Variants in GFAP observed in about 807,000 individuals in gnomAD.
The protein encoded by GFAP is intermediate filament protein.
GFAP carries 38 observed loss-of-function variants against 49.3 expected under a neutral mutation model. The ratio of observed to expected loss-of-function variants is 0.77; its 90% confidence interval spans 0.60 to 1.01. GFAP has a LOEUF of 1.01. Among genes scored for constraint, GFAP ranks in the 50% least tolerant of loss-of-function variants. GFAP has a pLI of 0.00. For synonymous variants in GFAP, 222 were observed against 236.4 expected, an observed-to-expected ratio of 0.94 and a Z score of 0.56; for missense variants, 463 against 579.1, an observed-to-expected ratio of 0.80 and a Z score of 2.06.
chr17:44,915,117 G>C lies in GFAP; in HGVS notation c.370C>G (p.Arg124Gly). 1 of 1,613,888 alleles carries C rather than the reference G, an allele frequency of 6.2e-7. No individual in the cohort carries two copies. The highest frequency in any genetic ancestry group is 8.5e-7 in the Non-Finnish European group (1 of 1,180,008). ...DVYQAELREL[R>G]LRLDQLTANS... The stretch of plus-strand genomic sequence containing the variant: ...GCGGTGAGTTGATCGAGCCGCAGCC[G>C]CAGCTCTCGCAGCTCAGCCTGGTAG... Residue 124 changes from arginine to glycine, a missense_variant, in exon 1 of 9, where the codon CGG (arginine) becomes GGG (glycine). Arg to Gly is a moderately radical substitution (Grantham distance 125). Coordinates refer to ENST00000588735, the MANE Select transcript of GFAP (RefSeq NM_002055.5). The surrounding 1 kb of genome is among the most constrained non-coding windows in gnomAD (Gnocchi z 4.1).
At chr17:44,913,947 G>A in intron 2 of GFAP, 81 bp downstream of exon 2, 1 of 1,300,724 alleles carries the variant, frequency 7.7e-7, no homozygotes. Context: ...GCTCTGGCGG[G>A]CTGAGCTTGG....
Position 44,903,178 on chromosome 17 carries a change from T to C in GFAP, c.*4169A>G. The stretch of plus-strand genomic sequence containing the variant: ...CACTCATAAAAGGGAAAAAGCAAAA[T>C]CTTTATGGTAAACAAACACTGATCT... On this transcript the variant is annotated 3_prime_UTR_variant, in exon 9 of 9. Transcript: ENST00000588735. 1 of 1,268,256 alleles carries C rather than the reference T, an allele frequency of 7.9e-7. No homozygotes were observed. Among genetic ancestry groups the C allele is most frequent in the Non-Finnish European group, 9.9e-7 (1 of 1,009,288 alleles). 78.6% of individuals were successfully genotyped at this position (1,268,256 alleles called of 1,614,324 possible).
intron 4 of GFAP, chr17:44,912,912 C>T (rs1157062837): frequency 3.2e-6 from 1 of 315,940 alleles, no homozygotes; most frequent in African/African-American, 2.1e-5. Flanking sequence ...TCCAACTCTA[C>T]CACTTAGGAG....
intron 7 of GFAP, chr17:44,910,409 T>C (rs2051732741): frequency 1.3e-6 from 2 of 1,599,188 alleles, no homozygotes; most frequent in African/African-American, 2.7e-5. Flanking sequence ...GACCAGGGCC[T>C]AGCAGGACAG....
At chr17:44,913,898 C>T (rs2051840190) in intron 2 of GFAP, 75 bp from the exon 3 acceptor site, 1 of 1,379,536 alleles carries the variant, frequency 7.2e-7, no homozygotes, top group East Asian at 2.3e-5. Flanking sequence ...CTCAGCCTTG[C>T]CTTACCCCTC....
intron 6 of GFAP, chr17:44,910,968 G>T: frequency 1.7e-6 from 1 of 604,392 alleles, no homozygotes; most frequent in South Asian, 2.0e-5. Flanking sequence ...TCTTGGCTGG[G>T]AAGATGGGGA....
chr17:44,913,773 C>G lies in GFAP; in HGVS notation c.573G>C (p.Glu191Asp). ...AGAACCGGATCTCCTCCTCCAGCGACTCAATCTTCCTCTCCAGATCCAGAC... is the reference window on the plus strand; with the variant it reads ...AGAACCGGATCTCCTCCTCCAGCGAGTCAATCTTCCTCTCCAGATCCAGAC... Reference protein sequence around the residue: ...LARLDLERKIESLEEEIRFLR... With the variant: ...LARLDLERKIDSLEEEIRFLR... Residue 191 changes from glutamate to aspartate, a missense_variant, in exon 3 of 9, where the codon GAG becomes GAC. By Grantham distance (45) the Glu-to-Asp change is conservative (BLOSUM62 2). Around this residue, in one of 3 missense-constraint regions of GFAP, gnomAD observed 362 missense variants for 445.5 expected, o/e 0.81. Coordinates refer to ENST00000588735, the MANE Select transcript of GFAP (RefSeq NM_002055.5). 1 of 1,614,200 alleles carries G rather than the reference C, an allele frequency of 6.2e-7. No individual in the cohort carries two copies. The highest frequency in any genetic ancestry group is 8.5e-7 in the Non-Finnish European group (1 of 1,180,020).
intron 6 of GFAP, 49 bp downstream of exon 6, chr17:44,911,187 A>AAG (rs1193917783): frequency 1.3e-6 from 2 of 1,519,032 alleles, no homozygotes; most frequent in Admixed American, 3.3e-5. Context: ...GATGAGCTCT[A>AAG]CCGTGAGGCA....
At chr17:44,913,965 G>T in intron 2 of GFAP, 63 bp downstream of exon 2, 1 of 1,348,906 alleles carries the variant, frequency 7.4e-7, no homozygotes, top group East Asian at 2.4e-5. Flanking sequence ...TGGGGGCTGT[G>T]TTTGGGTGGG....
intron 1 of GFAP, 200 bp downstream of exon 1, chr17:44,914,826 C>T (rs1414772345): frequency 6.6e-6 from 4 of 602,060 alleles, no homozygotes; most frequent in South Asian, 2.0e-5. Flanking sequence ...AGAAGGCATG[C>T]GGGCATCAGA....
rs2145641726 is a variant in GFAP at position 44,915,058 on chromosome 17, A to C, written c.429T>G (p.Asn143Lys). 2 of 1,612,566 alleles carry C rather than the reference A, an allele frequency of 1.2e-6. No individual in the cohort carries two copies. The highest frequency in any genetic ancestry group is 4.5e-5 in the East Asian group (2 of 44,852). Residue 143 changes from asparagine to lysine, a missense_variant, in exon 1 of 9, where the codon AAT becomes AAG. Physicochemically the swap from Asn to Lys is moderately conservative, Grantham distance 94. Around this residue, in one of 3 missense-constraint regions of GFAP, gnomAD observed 362 missense variants for 445.5 expected, o/e 0.81. Coordinates refer to ENST00000588735, the MANE Select transcript of GFAP (RefSeq NM_002055.5). This position sits in a 1 kb window ranked among gnomAD's most constrained non-coding sequence, Gnocchi z 4.1. ...TCACAGTGGCCAGGTCCTGTGCCAG[A>C]TTGTCCCTCTCAACCTCCAGCCGGG... ...NSARLEVERD[N>K]LAQDLATVRQ... is the part of the protein sequence containing the mutation.
rs757984319 is a variant in GFAP, at chr17:44,910,658, C to A, written c.1128G>T (p.Arg376=). 2.5e-5 allele frequency: 39 copies of A among 1,586,642 alleles called. No individual in the cohort carries two copies. Among genetic ancestry groups the A allele is most frequent in the Non-Finnish European group, 3.3e-5 (39 of 1,166,690 alleles). ...YRKLLEGEEN[R]ITIPVQTFSN... is the part of the protein sequence containing the mutation. ...AGAAGGTCTGCACGGGAATGGTGAT[C>A]CTGAAAGAAAGCAGAGGGAGAGGGC... The change falls in exon 7 of 9, where the codon CGG becomes CGT. Residue 376 remains arginine (R), a splice_region_variant and synonymous_variant. Transcript: ENST00000588735.
chr17:44,913,958 G>A (rs1031147034), intron 2 of GFAP, 70 bp downstream of exon 2: 24 of 1,330,276 alleles, frequency 1.8e-5, no homozygotes, highest in Non-Finnish European at 2.5e-5. Flanking sequence ...CTGAGCTTGG[G>A]GGCTGTGTTT....
At position 44,903,729 on chromosome 17, in the gene GFAP, C is replaced by T. The variant is rs1298390238; in HGVS notation, c.*3618G>A. ...GCTTTTCCTGGCTGCATAATCCTTT[C>T]CTCATCTAGAGGCTTCCGCTTAGCA... On this transcript the variant is annotated 3_prime_UTR_variant, in exon 9 of 9. Transcript: ENST00000588735. 6.2e-6 allele frequency: 9 copies of T among 1,448,082 alleles called. No individual in the cohort carries two copies. The South Asian group carries it at 1.3e-4, about 22-fold the overall frequency. 89.7% of individuals were successfully genotyped at this position (1,448,082 alleles called of 1,614,324 possible). A position where few individuals can be genotyped will look rare whatever the true frequency, so the allele number is the denominator to read the frequency against.
In GFAP at chr17:44,905,107, A is replaced by G; in HGVS notation, c.*2240T>C. On this transcript the variant is annotated 3_prime_UTR_variant, in exon 9 of 9. Coordinates refer to ENST00000588735, the MANE Select transcript of GFAP (RefSeq NM_002055.5). ...CAGCTCTGAAGACCAGTTGTCCTTC[A>G]ATGTGTTTGTTAAATGATACCAGAT... 1 of 1,459,888 alleles carries G rather than the reference A, an allele frequency of 6.8e-7. No homozygotes were observed. The highest frequency in any genetic ancestry group is 9.2e-7 in the Non-Finnish European group (1 of 1,082,992). 90.4% of individuals were successfully genotyped at this position (1,459,888 alleles called of 1,614,324 possible).
chr17:44,914,190 C>G, intron 1 of GFAP, 102 bp from the exon 2 acceptor site: 1 of 788,832 alleles, frequency 1.3e-6, no homozygotes, highest in Non-Finnish European at 2.2e-6. Context: ...CCACCCCCAC[C>G]CAGGACCAGT....
rs771403611 is a variant in GFAP, at chr17:44,903,551, G to T, written c.*3796C>A. On this transcript the variant is annotated 3_prime_UTR_variant, in exon 9 of 9. Coordinates refer to ENST00000588735, the MANE Select transcript of GFAP (RefSeq NM_002055.5). The stretch of plus-strand genomic sequence containing the variant: ...TCCTTTGACCCATTCTTGGGTGAGC[G>T]CCAGTGTTCTAGAAAGGGGAGTAAA... The T allele has an allele frequency of 1.5e-6, 2 of 1,356,680 alleles. No individual in the cohort carries two copies. The highest frequency in any genetic ancestry group is 1.9e-6 in the Non-Finnish European group (2 of 1,060,984). 84.0% of individuals were successfully genotyped at this position (1,356,680 alleles called of 1,614,324 possible). A position where few individuals can be genotyped will look rare whatever the true frequency, so the allele number is the denominator to read the frequency against.
Position 44,910,600 on chromosome 17 carries a change from C to G in GFAP, c.1171+15G>C. On this transcript the variant is annotated intron_variant, in intron 7 of 8. Coordinates refer to ENST00000588735, the MANE Select transcript of GFAP (RefSeq NM_002055.5). The stretch of plus-strand genomic sequence containing the variant: ...GGACTCCAGTGCCCTTCCCACGAGG[C>G]CCTGCTGTACTGACCTCGAATCTGC... 6.4e-7 allele frequency: 1 copy of G among 1,569,942 alleles called. No individual in the cohort carries two copies. The highest frequency in any genetic ancestry group is 8.6e-7 in the Non-Finnish European group (1 of 1,156,504).
Position 44,907,009 on chromosome 17 carries a change from G to A in GFAP, c.*338C>T, listed in dbSNP as rs8067254. On this transcript the variant is annotated 3_prime_UTR_variant, in exon 9 of 9. Coordinates refer to ENST00000588735, the MANE Select transcript of GFAP (RefSeq NM_002055.5). ...TTCCATAACAACAGGAATCAGGGATGTGGAGGGCGATGTAGTAGGTGCCCC... is the reference window on the plus strand; with the variant it reads ...TTCCATAACAACAGGAATCAGGGATATGGAGGGCGATGTAGTAGGTGCCCC... The A allele has an allele frequency of 0.12, 52,385 of 421,990 alleles. 3,739 individuals carry two copies. Among genetic ancestry groups the A allele is most frequent in the African/African-American group, 0.21 (10,230 of 49,834 alleles). The allele number at this position is 421,990 out of a possible 1,614,324, so 26.1% of individuals were successfully genotyped here. A position where few individuals can be genotyped will look rare whatever the true frequency, so the allele number is the denominator to read the frequency against.
Sources: gnomAD v4.1 joint callset for allele counts on GRCh38, gnomAD v4.1.1 for gene constraint, gnomAD v4.1.1 regional missense constraint, Gnocchi (gnomAD v3.1) non-coding constraint, MANE v1.5 for transcripts, NCBI Gene and HGNC (gene_info 2026-07-23, HGNC 2026-07-21) for gene names.